Variants in VPS13B observed in about 807,000 individuals in gnomAD.
The protein encoded by VPS13B is vacuolar protein sorting 13 homolog B, also known as intermembrane lipid transfer protein VPS13B.
VPS13B carries 285 observed loss-of-function variants against 426.4 expected under a neutral mutation model. That is an observed-to-expected ratio of 0.67 (90% CI 0.61 to 0.74). VPS13B has a LOEUF of 0.74. Ranked by LOEUF, VPS13B falls within the 30% of genes least tolerant of loss-of-function variation. The pLI is 0.00. For synonymous variants in VPS13B, 1,676 were observed against 1,676.4 expected (o/e 1.00, Z 0.01); for missense variants, 4,537 against 4,782.6 (o/e 0.95, Z 1.51).
chr8:99,730,284 G>A (rs1200742581), intron 39 of VPS13B, among the ~76,000 whole-genome samples: 4 of 152,182 alleles, frequency 2.6e-5, no homozygotes, highest in Non-Finnish European at 5.9e-5. Flanking sequence ...AGGCCTGGGG[G>A]CTTTGGGGAA....
At chr8:99,402,807 A>G (rs1464932221) in intron 21 of VPS13B, among the ~76,000 whole-genome samples, 1 of 152,218 alleles carries the variant, frequency 6.6e-6, no homozygotes, top group East Asian at 1.9e-4. Flanking sequence ...AGTAAGCCTG[A>G]GAAAGGAGGG....
intron 30 of VPS13B, among the ~76,000 whole-genome samples, chr8:99,547,997 A>G (rs940789930): frequency 5.3e-5 from 8 of 152,160 alleles, no homozygotes; most frequent in Admixed American, 1.3e-4. Flanking sequence ...TCTAGGAAAC[A>G]TTTAATTAGT....
Position 99,776,898 on chromosome 8 carries a change from T to C in VPS13B, c.7371T>C (p.Ser2457=), listed in dbSNP as rs545012804. ...GGTTTGTCCCATCCCTTTGCGTTTC[T>C]TTCCAGTTTGCTCACCTGGAATTCC... ...TPWFVPSLCV[S]FQFAHLEFHL... The change falls in exon 41 of 62, where the codon TCT becomes TCC. Residue 2457 remains serine (S), a synonymous_variant. Coordinates refer to ENST00000357162, the MANE Select transcript of VPS13B (RefSeq NM_152564.5). The C allele has an allele frequency of 4.3e-6, 7 of 1,614,112 alleles. No homozygotes were observed. In the East Asian group the frequency reaches 1.6e-4, roughly 36 times the overall value.
intron 39 of VPS13B, among the ~76,000 whole-genome samples, chr8:99,735,529 C>G (rs1313234423): frequency 6.6e-6 from 1 of 152,074 alleles, no homozygotes; most frequent in Non-Finnish European, 1.5e-5. Flanking sequence ...CTGGGAGCCA[C>G]CAGAAACTAG....
At chr8:99,335,655 C>A (rs1810804436) in intron 19 of VPS13B, among the ~76,000 whole-genome samples, 3 of 152,092 alleles carry the variant, frequency 2.0e-5, no homozygotes, top group Non-Finnish European at 2.9e-5. Context: ...TGATAAGCAA[C>A]TTCAGCAAAG....
chr8:99,301,814 A>G lies in VPS13B; in HGVS notation c.2824+26560A>G, dbSNP rs1431713963. On this transcript the variant is annotated intron_variant, in intron 19 of 61. Transcript: ENST00000357162. ...TTTTGTTTTTGTTTTTTAAATACAG[A>G]TGGGGTCTCATTATGTTGCCCAACC... Among the ~76,000 whole-genome samples, 8 of 152,160 alleles carry G rather than the reference A, an allele frequency of 5.3e-5. No homozygotes were observed. The East Asian group carries it at 1.5e-3, about 29-fold the overall frequency.
At chr8:99,529,191 C>G (rs904252938) in intron 30 of VPS13B, among the ~76,000 whole-genome samples, 1 of 152,126 alleles carries the variant, frequency 6.6e-6, no homozygotes, top group Non-Finnish European at 1.5e-5. Context: ...AGGGCTTATT[C>G]TGAATGGTAA....
At chr8:99,560,958 C>G (rs923788242) in intron 31 of VPS13B, among the ~76,000 whole-genome samples, 10 of 152,132 alleles carry the variant, frequency 6.6e-5, no homozygotes, top group African/African-American at 2.4e-4. Context: ...TTAGTTGTAT[C>G]TCTCCTATTT....
chr8:99,665,852 G>A (rs1451679100), intron 35 of VPS13B, among the ~76,000 whole-genome samples: 2 of 152,252 alleles, frequency 1.3e-5, no homozygotes, highest in East Asian at 3.9e-4. Flanking sequence ...CCAATTCTGT[G>A]AGGAAAGTCA....
intron 61 of VPS13B, among the ~76,000 whole-genome samples, chr8:99,872,132 C>CT (rs1322397320): frequency 2.0e-5 from 3 of 152,140 alleles, no homozygotes; most frequent in Non-Finnish European, 4.4e-5. Context: ...GTCTGAAAGC[C>CT]TAAAGTCAGG....
chr8:99,561,017 T>C (rs1214562499), intron 31 of VPS13B, among the ~76,000 whole-genome samples: 1 of 152,222 alleles, frequency 6.6e-6, no homozygotes, highest in Non-Finnish European at 1.5e-5. Context: ...GTATGTGTTT[T>C]AATAATTTAT....
At chr8:99,101,752 T>C (rs1803559022) in intron 4 of VPS13B, among the ~76,000 whole-genome samples, 1 of 152,240 alleles carries the variant, frequency 6.6e-6, no homozygotes, top group African/African-American at 2.4e-5. Flanking sequence ...GCACACGTTA[T>C]GGTTGAATAG....
intron 24 of VPS13B, among the ~76,000 whole-genome samples, chr8:99,472,653 A>G (rs888350202): frequency 6.6e-6 from 1 of 152,026 alleles, no homozygotes; most frequent in African/African-American, 2.4e-5. Flanking sequence ...AACCCAAAGT[A>G]AGTAAAAAGA....
rs544616202 is a variant in VPS13B at position 99,013,582 on chromosome 8, G to A, written c.-29-178G>A. Among the ~76,000 whole-genome samples the A allele has an allele frequency of 2.0e-5, 3 of 152,336 alleles. No homozygotes were observed. In the South Asian group the frequency reaches 6.2e-4, roughly 32 times the overall value. The stretch of plus-strand genomic sequence containing the variant: ...CCTCCCTCACTTCGCTTGGCGAAGG[G>A]TGTTGTACTTGTGAGGAAGTCGCAG... On this transcript the variant is annotated intron_variant, in intron 1 of 61. Transcript: ENST00000357162.
chr8:99,395,893 T>C (rs544052029), intron 21 of VPS13B, among the ~76,000 whole-genome samples: 2 of 151,790 alleles, frequency 1.3e-5, no homozygotes, highest in East Asian at 3.9e-4. Context: ...AGGAGAGAAA[T>C]TGAAAATATA....
intron 3 of VPS13B, among the ~76,000 whole-genome samples, chr8:99,058,451 G>A (rs1277217558): frequency 2.0e-5 from 3 of 151,416 alleles, no homozygotes; most frequent in East Asian, 3.9e-4. Context: ...ATATATATTA[G>A]AATTTTTTTC....
At chr8:99,367,003 C>G (rs1380795393) in intron 19 of VPS13B, among the ~76,000 whole-genome samples, 1 of 152,160 alleles carries the variant, frequency 6.6e-6, no homozygotes, top group Admixed American at 6.5e-5. Flanking sequence ...ATTGGTTCAT[C>G]TTTTAATCTT....
intron 53 of VPS13B, 21 bp from the exon 54 acceptor site, chr8:99,835,518 A>G: frequency 6.2e-7 from 1 of 1,611,798 alleles, no homozygotes; most frequent in Non-Finnish European, 8.5e-7. Flanking sequence ...AATTCTGCAT[A>G]TGCCTTTTTT....
chr8:99,620,002 A>G (rs1828282465), intron 33 of VPS13B, among the ~76,000 whole-genome samples: 1 of 152,030 alleles, frequency 6.6e-6, no homozygotes, highest in Admixed American at 6.6e-5. Flanking sequence ...TTTTGAAATT[A>G]TAAACAATAA....
Sources: gnomAD v4.1 joint callset for allele counts (sites outside exome capture counted in the v4.1 genomes callset) on GRCh38, gnomAD v4.1.1 for gene constraint, MANE v1.5 for transcripts, NCBI Gene and HGNC (gene_info 2026-07-23, HGNC 2026-07-21) for gene names.